OPCML: variants seen among roughly 807,000 people sequenced by gnomAD.
OPCML encodes the protein opioid-binding protein/cell adhesion molecule.
OPCML carries 13 observed loss-of-function variants against 37.8 expected under a neutral mutation model. The observed-to-expected ratio is 0.34, with a 90% CI of 0.22 to 0.55. OPCML has a LOEUF of 0.55. Ranked by LOEUF, OPCML falls within the 20% of genes least tolerant of loss-of-function variation. The pLI is 0.91. For missense variants in OPCML, 341 were observed against 435.6 expected, an observed-to-expected ratio of 0.78 and a Z score of 1.93; for synonymous variants, 176 against 168.8, an observed-to-expected ratio of 1.04 and a Z score of -0.33.
chr11:133,071,617 AT>A (rs1358009947), intron 1 of OPCML, among the ~76,000 whole-genome samples: 4 of 152,132 alleles, frequency 2.6e-5, no homozygotes, highest in African/African-American at 9.7e-5. Context: ...CAGAAACCCA[AT>A]TTTCCCAAAT....
chr11:133,270,910 C>T (rs117768826), intron 1 of OPCML, among the ~76,000 whole-genome samples: 1,895 of 152,256 alleles, frequency 0.012, 19 homozygotes, highest in Non-Finnish European at 0.018. Flanking sequence ...TTCACAGGGA[C>T]GTTAGCCTGA....
At chr11:132,683,381 T>TA (rs950894953) in intron 2 of OPCML, among the ~76,000 whole-genome samples, 7 of 151,966 alleles carry the variant, frequency 4.6e-5, no homozygotes, top group African/African-American at 1.7e-4. Context: ...TCTCAAAAAA[T>TA]AAAAAAGCAA....
At chr11:133,004,796 A>T (rs949318102) in intron 1 of OPCML, 2 of 985,252 alleles carry the variant, frequency 2.0e-6, no homozygotes, top group Non-Finnish European at 2.4e-6. Context: ...TCCTTCCACC[A>T]CACTCCGTCT....
intron 1 of OPCML, among the ~76,000 whole-genome samples, chr11:133,307,556 T>C (rs1018627719): frequency 6.6e-6 from 1 of 152,212 alleles, no homozygotes; most frequent in Non-Finnish European, 1.5e-5. Context: ...ATGACCATGA[T>C]GAACACACTG....
intron 7 of OPCML, among the ~76,000 whole-genome samples, chr11:132,430,232 G>C (rs1196951237): frequency 1.3e-5 from 2 of 152,140 alleles, no homozygotes; most frequent in Admixed American, 1.3e-4. Flanking sequence ...GAGCCACCTG[G>C]GGATAGGTGT....
intron 1 of OPCML, among the ~76,000 whole-genome samples, chr11:132,965,856 A>AT (rs1946202081): frequency 6.6e-6 from 1 of 152,068 alleles, no homozygotes; most frequent in South Asian, 2.1e-4. Context: ...ATAGTGTTTT[A>AT]TTATTATTCT....
rs1939352033 is a variant in OPCML, at chr11:133,211,371, A to T, written c.62-268361T>A. 6.6e-6 allele frequency among the ~76,000 whole-genome samples: 1 copy of T among 152,176 alleles called. No homozygotes were observed. The highest frequency in any genetic ancestry group is 1.5e-5 in the Non-Finnish European group (1 of 68,028). ...AGTTATTGAACCCTGGGAAGTTCTG[A>T]ATCCTCTCCCTCTCAAACTGGGAAC... On this transcript the variant is annotated intron_variant, in intron 1 of 7. Coordinates refer to ENST00000524381, the MANE Select transcript of OPCML (RefSeq NM_001012393.5). The surrounding 1 kb of genome is among the most constrained non-coding windows in gnomAD (Gnocchi z 4.1).
chr11:133,402,162 T>C (rs989115931), intron 1 of OPCML, among the ~76,000 whole-genome samples: 6 of 152,048 alleles, frequency 3.9e-5, no homozygotes, highest in African/African-American at 1.2e-4. Flanking sequence ...ATGCATTTGG[T>C]GAGGGTCTTC....
At chr11:132,536,018 A>G (rs1274706965) in intron 3 of OPCML, among the ~76,000 whole-genome samples, 1 of 152,172 alleles carries the variant, frequency 6.6e-6, no homozygotes, top group Admixed American at 6.5e-5. Context: ...AGTGTCAGAA[A>G]GTCCTCAAGG....
chr11:132,461,666 A>G (rs1394381283), intron 4 of OPCML, among the ~76,000 whole-genome samples: 1 of 152,218 alleles, frequency 6.6e-6, no homozygotes, highest in Non-Finnish European at 1.5e-5. Flanking sequence ...CATACTGCTA[A>G]TAAAGACATA....
intron 1 of OPCML, among the ~76,000 whole-genome samples, chr11:133,332,493 G>T (rs1286094371): frequency 6.6e-6 from 1 of 152,170 alleles, no homozygotes; most frequent in Non-Finnish European, 1.5e-5. Context: ...AATAGAAGTG[G>T]TGAGAGAGGG....
intron 2 of OPCML, among the ~76,000 whole-genome samples, chr11:132,896,168 T>C (rs1943834239): frequency 1.3e-5 from 2 of 152,162 alleles, no homozygotes. Context: ...TGATCTCCCT[T>C]GGGCTAACAC....
intron 1 of OPCML, among the ~76,000 whole-genome samples, chr11:133,272,515 T>A (rs767349965): frequency 2.6e-5 from 4 of 152,216 alleles, no homozygotes; most frequent in African/African-American, 9.6e-5. Context: ...TATTTCTATC[T>A]CTGAGCAGGC....
chr11:132,684,446 A>T (rs145915126), intron 2 of OPCML, among the ~76,000 whole-genome samples: 1 of 152,342 alleles, frequency 6.6e-6, no homozygotes, highest in African/African-American at 2.4e-5. Flanking sequence ...TTCTAATATA[A>T]AGCAGAATAT....
chr11:132,817,717 T>C (rs1409087802), intron 2 of OPCML, among the ~76,000 whole-genome samples: 1 of 151,908 alleles, frequency 6.6e-6, no homozygotes, highest in Non-Finnish European at 1.5e-5. Context: ...TAGATAAATC[T>C]ATATATTTAG....
At chr11:133,281,826 T>C (rs632266) in intron 1 of OPCML, among the ~76,000 whole-genome samples, 7 of 152,146 alleles carry the variant, frequency 4.6e-5, no homozygotes, top group Non-Finnish European at 1.0e-4. Context: ...CGGAAACTGC[T>C]GTAAAGGTCA....
intron 1 of OPCML, chr11:133,439,232 G>T (rs1437256454): frequency 2.1e-6 from 2 of 951,300 alleles, no homozygotes; most frequent in Non-Finnish European, 2.5e-6. Flanking sequence ...CTAGCCCCAG[G>T]CAGCGTCACA....
chr11:133,029,148 T>A (rs887055679), intron 1 of OPCML, among the ~76,000 whole-genome samples: 2 of 152,012 alleles, frequency 1.3e-5, no homozygotes, highest in Non-Finnish European at 2.9e-5. Flanking sequence ...GAAATGCAAA[T>A]CAGAACCAAA....
intron 4 of OPCML, among the ~76,000 whole-genome samples, chr11:132,482,290 A>G (rs1274032189): frequency 6.6e-6 from 1 of 152,090 alleles, no homozygotes; most frequent in Non-Finnish European, 1.5e-5. Context: ...TACTACAAAC[A>G]CCTCTATGCA....
Sources: gnomAD v4.1 joint callset for allele counts (sites outside exome capture counted in the v4.1 genomes callset) on GRCh38, gnomAD v4.1.1 for gene constraint, Gnocchi (gnomAD v3.1) non-coding constraint, MANE v1.5 for transcripts, NCBI Gene and HGNC (gene_info 2026-07-23, HGNC 2026-07-21) for gene names.